Variants in MECOM observed in about 807,000 individuals in gnomAD.
The protein encoded by MECOM is histone-lysine N-methyltransferase MECOM.
In MECOM, 13 loss-of-function variants were observed where a neutral mutation model predicts 116.3. The observed-to-expected ratio is 0.11, with a 90% CI of 0.07 to 0.18. MECOM has a LOEUF of 0.18. Among genes scored for constraint, MECOM ranks in the 10% least tolerant of loss-of-function variants. MECOM has a pLI of 1.00. For synonymous variants in MECOM, 528 were observed against 535.2 expected, an observed-to-expected ratio of 0.99 and a Z score of 0.19; for missense variants, 1,299 against 1,509.0, an observed-to-expected ratio of 0.86 and a Z score of 2.31.
In MECOM at chr3:169,084,112, A is replaced by C. The variant is rs558572139; in HGVS notation, c.*797T>G. The C allele has an allele frequency of 4.3e-5, 10 of 231,816 alleles. No individual in the cohort carries two copies. The highest frequency in any genetic ancestry group is 7.7e-5 in the Non-Finnish European group (9 of 117,150). The allele number at this position is 231,816 out of a possible 1,614,324, so 14.4% of individuals were successfully genotyped here. On this transcript the variant is annotated 3_prime_UTR_variant, in exon 17 of 17. Transcript: ENST00000651503. ...TCAACAAACAATAGTTTGCCAACAA[A>C]TAAATACATGATACACGCAACACAC...
chr3:169,343,196 G>A (rs560204020), intron 2 of MECOM, among the ~76,000 whole-genome samples: 10 of 152,192 alleles, frequency 6.6e-5, no homozygotes, highest in East Asian at 5.8e-4. Flanking sequence ...ATGACAATGC[G>A]TAATAGCCTG....
rs567801867 is a variant in MECOM at position 169,558,434 on chromosome 3, G to A, written c.37+104902C>T. On this transcript the variant is annotated intron_variant, in intron 1 of 16. Transcript: ENST00000651503. ...CACCAGTAGACGCCCATTCTCTTTCGGACCCCAAGGCATGGCTTACCTTTT... is the reference window on the plus strand; with the variant it reads ...CACCAGTAGACGCCCATTCTCTTTCAGACCCCAAGGCATGGCTTACCTTTT... 6.8e-4 allele frequency among the ~76,000 whole-genome samples: 103 copies of A among 152,098 alleles called. No homozygotes were observed. In the Middle Eastern group the frequency reaches 0.01, roughly 15 times the overall value.
chr3:169,316,330 A>G (rs1220788989), intron 2 of MECOM, among the ~76,000 whole-genome samples: 1 of 152,244 alleles, frequency 6.6e-6, no homozygotes, highest in Non-Finnish European at 1.5e-5. Flanking sequence ...AAAGAACAGT[A>G]TCTATAAACT....
chr3:169,624,705 G>T (rs1771145406), intron 1 of MECOM, among the ~76,000 whole-genome samples: 1 of 152,160 alleles, frequency 6.6e-6, no homozygotes, highest in South Asian at 2.1e-4. Context: ...CCTGGTCATT[G>T]TTATTCACCC....
chr3:169,200,814 T>C (rs995350049), intron 2 of MECOM, among the ~76,000 whole-genome samples: 1 of 152,044 alleles, frequency 6.6e-6, no homozygotes, highest in Admixed American at 6.6e-5. Flanking sequence ...CATTGTTCTG[T>C]CCTCCCTCTA....
At chr3:169,627,385 T>G (rs148172500) in intron 1 of MECOM, among the ~76,000 whole-genome samples, 2 of 152,378 alleles carry the variant, frequency 1.3e-5, no homozygotes, top group East Asian at 3.9e-4. Context: ...GAAACTGATA[T>G]GGAGTGACAT....
intron 1 of MECOM, among the ~76,000 whole-genome samples, chr3:169,640,504 G>A (rs1353874433): frequency 6.6e-6 from 1 of 152,192 alleles, no homozygotes; most frequent in Non-Finnish European, 1.5e-5. Context: ...GTAGGAGTCT[G>A]TCCATCTGTG....
intron 1 of MECOM, among the ~76,000 whole-genome samples, chr3:169,635,323 T>C (rs1228634974): frequency 2.0e-5 from 3 of 152,228 alleles, no homozygotes; most frequent in Non-Finnish European, 2.9e-5. Flanking sequence ...TCATCATCAT[T>C]ATTACCATTA....
chr3:169,240,030 C>T (rs531221809), intron 2 of MECOM, among the ~76,000 whole-genome samples: 5 of 152,288 alleles, frequency 3.3e-5, no homozygotes, highest in African/African-American at 9.6e-5. Context: ...GTAGAAAGAA[C>T]ATGACTGGTT....
At chr3:169,559,448 G>T (rs1228167521) in intron 1 of MECOM, among the ~76,000 whole-genome samples, 1 of 152,122 alleles carries the variant, frequency 6.6e-6, no homozygotes, top group Non-Finnish European at 1.5e-5. Context: ...GGATAAGAAA[G>T]AAATAATATA....
intron 1 of MECOM, among the ~76,000 whole-genome samples, chr3:169,416,196 A>G (rs184841223): frequency 1.3e-5 from 2 of 152,222 alleles, no homozygotes; most frequent in Admixed American, 1.3e-4. Context: ...CAGTGCAATC[A>G]AATTAGAACT....
At chr3:169,552,954 C>T (rs572764125) in intron 1 of MECOM, among the ~76,000 whole-genome samples, 20 of 151,818 alleles carry the variant, frequency 1.3e-4, no homozygotes, top group African/African-American at 4.1e-4. Flanking sequence ...GTGTTGTGCA[C>T]ATCAGAAACC....
At chr3:169,222,856 T>A (rs1752287937) in intron 2 of MECOM, among the ~76,000 whole-genome samples, 1 of 152,230 alleles carries the variant, frequency 6.6e-6, no homozygotes. Context: ...ATTTTCATAA[T>A]CTTGTTGCAG....
In MECOM at chr3:169,594,154, C is replaced by CAAAAAAAAA. The variant is rs34331048; in HGVS notation, c.37+69173_37+69181dup. Among the ~76,000 whole-genome samples, 74 of 45,674 alleles carry CAAAAAAAAA rather than the reference C, an allele frequency of 1.6e-3. 1 individual carries two copies. Among genetic ancestry groups the CAAAAAAAAA allele is most frequent in the Non-Finnish European group, 1.7e-3 (41 of 24,684 alleles). The allele number at this position is 45,674 out of a possible 152,430, so 30.0% of individuals were successfully genotyped here. A position where few individuals can be genotyped will look rare whatever the true frequency, so the allele number is the denominator to read the frequency against. On this transcript the variant is annotated intron_variant, in intron 1 of 16. Transcript: ENST00000651503. ...CTCAACGACAACACCACCACCACCA[C>CAAAAAAAAA]AAAAAAAAAAAAAAAAAAAAAACAC...
intron 1 of MECOM, among the ~76,000 whole-genome samples, chr3:169,383,940 C>T (rs1170814155): frequency 9.2e-5 from 14 of 152,166 alleles, no homozygotes; most frequent in South Asian, 8.3e-4. Flanking sequence ...TCTAGTCTTC[C>T]TCCTGAGTCA....
At chr3:169,594,154 C>CAAAAAAAAAAAAAAAAAAAAAAAAAAAA (rs34331048) in intron 1 of MECOM, among the ~76,000 whole-genome samples, 1 of 45,708 alleles carries the variant, frequency 2.2e-5, no homozygotes, top group Non-Finnish European at 4.0e-5. Flanking sequence ...ACCACCACCA[C>CAAAAAAAAAAAAAAAAAAAAAAAAAAAA]AAAAAAAAAA....
At chr3:169,477,949 T>C (rs2108834838) in intron 1 of MECOM, among the ~76,000 whole-genome samples, 1 of 152,344 alleles carries the variant, frequency 6.6e-6, no homozygotes, top group Non-Finnish European at 1.5e-5. Flanking sequence ...AGGATGCCTG[T>C]CGGATAGACA....
intron 2 of MECOM, among the ~76,000 whole-genome samples, chr3:169,353,528 C>T (rs375454278): frequency 6.6e-5 from 10 of 151,774 alleles, no homozygotes; most frequent in East Asian, 3.9e-4. Context: ...TCTCCTGATG[C>T]TACTCCAAGT....
intron 7 of MECOM, among the ~76,000 whole-genome samples, chr3:169,117,778 C>T (rs779356227): frequency 6.6e-6 from 1 of 152,182 alleles, no homozygotes; most frequent in Admixed American, 6.5e-5. Flanking sequence ...TATTTTAAGA[C>T]CAAACTTTGT....
Sources: allele counts gnomAD v4.1 joint callset (sites outside exome capture counted in the v4.1 genomes callset), GRCh38; gene constraint gnomAD v4.1.1; transcripts MANE v1.5; gene names NCBI Gene and HGNC (gene_info 2026-07-23, HGNC 2026-07-21).